Variants in ARHGEF9 observed in about 807,000 individuals in gnomAD.
The protein encoded by ARHGEF9 is rho guanine nucleotide exchange factor 9.
In ARHGEF9, 2 loss-of-function variants were observed where a neutral mutation model predicts 41.3. The ratio of observed to expected loss-of-function variants is 0.05; its 90% CI spans 0.02 to 0.15. The LOEUF is 0.15. Among genes scored for constraint, ARHGEF9 ranks in the 10% least tolerant of loss-of-function variants. ARHGEF9 has a pLI of 1.00. For missense variants in ARHGEF9, 225 were observed against 424.7 expected (o/e 0.53, Z 4.13); for synonymous variants, 160 against 154.4 (o/e 1.04, Z -0.27).
intron 1 of ARHGEF9, among the ~76,000 whole-genome samples, chrX:63,726,322 CCATT>C (rs782176096): frequency 6.2e-5 from 7 of 112,302 alleles, no homozygotes; most frequent in African/African-American, 2.3e-4. Flanking sequence ...CTCACTATTA[CCATT>C]CATTCATTCA....
intron 1 of ARHGEF9, among the ~76,000 whole-genome samples, chrX:63,770,472 C>A (rs1462317711): frequency 1.8e-5 from 2 of 111,872 alleles, no homozygotes; most frequent in Non-Finnish European, 3.8e-5. Flanking sequence ...GTGGAAGGAA[C>A]CTGCTTTGCC....
intron 2 of ARHGEF9, chrX:63,713,191 G>A (rs2053056349): frequency 9.0e-6 from 1 of 111,355 alleles, no homozygotes; most frequent in South Asian, 3.8e-4. Context: ...CAACCAGAGA[G>A]GAGTAAAAAG....
At chrX:63,676,339 G>T (rs1556362202) in intron 5 of ARHGEF9, among the ~76,000 whole-genome samples, 1 of 111,941 alleles carries the variant, frequency 8.9e-6, no homozygotes. Context: ...TTTTCTTCTG[G>T]ATCCCATTGC....
rs782155517 is a variant in ARHGEF9, at chrX:63,645,837, T to C, written c.1322-1789A>G. Among the ~76,000 whole-genome samples the C allele has an allele frequency of 1.1e-4, 12 of 112,035 alleles. No individual in the cohort carries two copies. In the South Asian group the frequency reaches 3.4e-3, roughly 32 times the overall value. ...CCACAATGGTTGAACTAGTTTACAG[T>C]CCCACCAACAGTGTAAAAGTGTTCC... On this transcript the variant is annotated intron_variant, in intron 8 of 9. Coordinates refer to ENST00000671741, the MANE Select transcript of ARHGEF9 (RefSeq NM_001353921.2).
chrX:63,736,072 T>C (rs2054602042), intron 1 of ARHGEF9, among the ~76,000 whole-genome samples: 2 of 111,910 alleles, frequency 1.8e-5, no homozygotes, highest in African/African-American at 6.5e-5. Context: ...TGAGCAGCCA[T>C]TGGGTCAGGC....
chrX:63,646,204 C>A (rs1193832995), intron 8 of ARHGEF9, among the ~76,000 whole-genome samples: 2 of 111,734 alleles, frequency 1.8e-5, no homozygotes, highest in Non-Finnish European at 3.8e-5. Context: ...ATGGTAGTTT[C>A]TTTTGCTGTG....
At chrX:63,661,454 A>G (rs2049213729) in intron 7 of ARHGEF9, among the ~76,000 whole-genome samples, 1 of 112,197 alleles carries the variant, frequency 8.9e-6, no homozygotes. Flanking sequence ...AGAGAAAAAA[A>G]TCCCCTCAAA....
chrX:63,648,678 C>A (rs1183824783), intron 8 of ARHGEF9, among the ~76,000 whole-genome samples: 5 of 111,117 alleles, frequency 4.5e-5, no homozygotes, highest in African/African-American at 1.6e-4. Flanking sequence ...GAGTCAAGAC[C>A]CATCAGTGTG....
intron 1 of ARHGEF9, among the ~76,000 whole-genome samples, chrX:63,763,695 C>T (rs1246368290): frequency 9.0e-6 from 1 of 111,163 alleles, no homozygotes; most frequent in African/African-American, 3.3e-5. Context: ...TCATGCTGCC[C>T]CTCATTTCGA....
intron 7 of ARHGEF9, among the ~76,000 whole-genome samples, chrX:63,662,776 C>A (rs1556343019): frequency 1.8e-5 from 2 of 112,012 alleles, no homozygotes; most frequent in Admixed American, 1.9e-4. Context: ...AGAACAGAAT[C>A]ATAGAAGCAC....
intron 1 of ARHGEF9, among the ~76,000 whole-genome samples, chrX:63,756,380 A>G (rs1353033264): frequency 8.9e-6 from 1 of 112,522 alleles, no homozygotes; most frequent in Non-Finnish European, 1.9e-5. Flanking sequence ...ATGAATGCTT[A>G]TAACAGCATT....
chrX:63,750,040 C>T (rs1177645666), intron 1 of ARHGEF9, among the ~76,000 whole-genome samples: 3 of 111,884 alleles, frequency 2.7e-5, no homozygotes, highest in African/African-American at 9.8e-5. Context: ...TCCAAGATTC[C>T]CCTCCTCCAT....
chrX:63,739,352 T>C (rs1479186088), intron 1 of ARHGEF9, among the ~76,000 whole-genome samples: 1 of 111,474 alleles, frequency 9.0e-6, no homozygotes, highest in East Asian at 2.8e-4. Flanking sequence ...TGAGCTGCTG[T>C]AGGAGGGATG....
intron 4 of ARHGEF9, among the ~76,000 whole-genome samples, chrX:63,690,672 A>G: frequency 9.0e-6 from 1 of 111,703 alleles, no homozygotes; most frequent in East Asian, 2.8e-4. Flanking sequence ...CCAGACAAAA[A>G]CACATCAAAA....
At chrX:63,769,568 A>G (rs2056169276) in intron 1 of ARHGEF9, among the ~76,000 whole-genome samples, 3 of 112,220 alleles carry the variant, frequency 2.7e-5, no homozygotes, top group African/African-American at 9.7e-5. Context: ...AAAGGTCTTC[A>G]TGGCAAGCCC....
intron 1 of ARHGEF9, among the ~76,000 whole-genome samples, chrX:63,728,846 C>T (rs2054125748): frequency 9.0e-6 from 1 of 110,827 alleles, no homozygotes; most frequent in Non-Finnish European, 1.9e-5. Context: ...TAGGATGGTA[C>T]CAGATACAGG....
chrX:63,675,723 T>A lies in ARHGEF9; in HGVS notation c.816-1556A>T, dbSNP rs181822781. Among the ~76,000 whole-genome samples, 431 of 111,792 alleles carry A rather than the reference T, an allele frequency of 3.9e-3. 1 individual carries two copies. The highest frequency in any genetic ancestry group is 4.8e-3 in the Non-Finnish European group (253 of 53,113). On this transcript the variant is annotated intron_variant, in intron 5 of 9. Coordinates refer to ENST00000671741, the MANE Select transcript of ARHGEF9 (RefSeq NM_001353921.2). ...CAGACGTGTAACCCTTGGCCCCACATCCTGGGACTCTGGATAGCAGACGTG... is the reference window on the plus strand; with the variant it reads ...CAGACGTGTAACCCTTGGCCCCACAACCTGGGACTCTGGATAGCAGACGTG...
rs182857016 is a variant in ARHGEF9 at position 63,702,394 on chromosome X, G to T, written c.402+3864C>A. Among the ~76,000 whole-genome samples the T allele has an allele frequency of 1.4e-3, 160 of 112,300 alleles. 1 individual carries two copies. The highest frequency in any genetic ancestry group is 4.9e-3 in the African/African-American group (152 of 30,928). ...TAAACTGAAGGTATTTTATACCACT[G>T]TCTGGGTTTAGAAAGAAGAATGTAA... On this transcript the variant is annotated intron_variant, in intron 3 of 9. Transcript: ENST00000671741.
intron 7 of ARHGEF9, among the ~76,000 whole-genome samples, chrX:63,660,177 GT>G (rs1392831048): frequency 8.9e-6 from 1 of 111,765 alleles, no homozygotes; most frequent in Admixed American, 9.5e-5. Flanking sequence ...TAAAGAAAAT[GT>G]GGTACATATA....
Sources: gnomAD v4.1 joint callset for allele counts (sites outside exome capture counted in the v4.1 genomes callset) on GRCh38, gnomAD v4.1.1 for gene constraint, MANE v1.5 for transcripts, NCBI Gene and HGNC (gene_info 2026-07-23, HGNC 2026-07-21) for gene names.